Variants in GCNT1 observed in about 807,000 individuals in gnomAD.
GCNT1 encodes the protein beta-1,3-galactosyl-O-glycosyl-glycoprotein beta-1,6-N-acetylglucosaminyltransferase.
GCNT1 carries 16 observed loss-of-function variants against 26.2 expected under a neutral mutation model. The ratio of observed to expected loss-of-function variants is 0.61; its 90% CI spans 0.41 to 0.93. GCNT1 has a LOEUF of 0.93. Ranked by LOEUF, GCNT1 falls within the 40% of genes least tolerant of loss-of-function variation. The pLI is 0.00. For synonymous variants in GCNT1, 183 were observed against 190.8 expected (o/e 0.96, Z 0.34); for missense variants, 477 against 526.7 (o/e 0.91, Z 0.92).
In GCNT1 at chr9:76,504,488, A is replaced by G; in HGVS notation, c.*820A>G. 1 of 325,086 alleles carries G rather than the reference A, an allele frequency of 3.1e-6. No individual in the cohort carries two copies. Among genetic ancestry groups the G allele is most frequent in the Non-Finnish European group, 5.9e-6 (1 of 170,624 alleles). The allele number at this position is 325,086 out of a possible 1,614,324, so 20.1% of individuals were successfully genotyped here. A position where few individuals can be genotyped will look rare whatever the true frequency, so the allele number is the denominator to read the frequency against. ...CAGACTGCTATCAAGCTGTGTAAAA[A>G]TTTACTTTCACTGGACCCTAAATTA... On this transcript the variant is annotated 3_prime_UTR_variant, in exon 4 of 4. Coordinates refer to ENST00000376730, the MANE Select transcript of GCNT1 (RefSeq NM_001490.5).
chr9:76,461,890 A>G (rs1013857055), intron 2 of GCNT1, among the ~76,000 whole-genome samples: 2 of 152,242 alleles, frequency 1.3e-5, no homozygotes, highest in Non-Finnish European at 2.9e-5. Flanking sequence ...CTCCGTCTCA[A>G]AACAAAAATC....
intron 1 of GCNT1, among the ~76,000 whole-genome samples, chr9:76,428,291 T>TAAAAAAAAAAAAAA (rs1564220598): frequency 3.9e-5 from 3 of 77,080 alleles, no homozygotes; most frequent in Non-Finnish European, 6.0e-5. Context: ...AAAAAAAAAC[T>TAAAAAAAAAAAAAA]TAAAAAAAAA....
At chr9:76,412,552 G>T in the GCNT1 span, among the ~76,000 whole-genome samples, 1 of 152,140 alleles carries the variant, frequency 6.6e-6, no homozygotes, top group Non-Finnish European at 1.5e-5. Context: ...CTAGTTGGGA[G>T]TTTTTTTCTC....
intron 2 of GCNT1, among the ~76,000 whole-genome samples, chr9:76,477,885 G>A (rs554505908): frequency 6.6e-6 from 1 of 152,330 alleles, no homozygotes; most frequent in East Asian, 1.9e-4. Flanking sequence ...CTAGTGAGAG[G>A]TGAAGCCAGC....
At chr9:76,418,978 C>A (rs901356549), upstream of GCNT1, among the ~76,000 whole-genome samples, 2 of 152,126 alleles carry the variant, frequency 1.3e-5, no homozygotes, top group African/African-American at 4.8e-5. Flanking sequence ...GAGCCTCATC[C>A]TGTGCCTTGG....
chr9:76,455,972 G>A (rs75257925), upstream of GCNT1, among the ~76,000 whole-genome samples: 906 of 152,296 alleles, frequency 5.9e-3, 1 homozygote, highest in Non-Finnish European at 0.011. Context: ...TATTGCTATT[G>A]TATTAATCAT....
chr9:76,482,485 G>A (rs1003761111), intron 2 of GCNT1, among the ~76,000 whole-genome samples: 11 of 151,598 alleles, frequency 7.3e-5, no homozygotes, highest in Admixed American at 2.0e-4. Flanking sequence ...TTAGCCGGGC[G>A]TGGTGGCAGG....
chr9:76,401,725 T>C, the GCNT1 span, among the ~76,000 whole-genome samples: 1 of 152,134 alleles, frequency 6.6e-6, no homozygotes, highest in Non-Finnish European at 1.5e-5. Flanking sequence ...CTAGCTTATA[T>C]AAACTTCAAT....
chr9:76,407,457 A>G, the GCNT1 span, among the ~76,000 whole-genome samples: 4 of 152,102 alleles, frequency 2.6e-5, no homozygotes, highest in Middle Eastern at 3.4e-3. Flanking sequence ...GTTCTGTTCT[A>G]TTGATCTATT....
chr9:76,482,480 C>T (rs1214559981), intron 2 of GCNT1, among the ~76,000 whole-genome samples: 9 of 151,422 alleles, frequency 5.9e-5, no homozygotes, highest in African/African-American at 1.9e-4. Context: ...AAAAATTAGC[C>T]GGGCGTGGTG....
chr9:76,474,448 C>A (rs902053201), intron 2 of GCNT1, among the ~76,000 whole-genome samples: 1 of 152,052 alleles, frequency 6.6e-6, no homozygotes, highest in African/African-American at 2.4e-5. Flanking sequence ...ATTCATAGTT[C>A]ATATTTATAA....
At chr9:76,488,488 G>C (rs1824641605) in intron 2 of GCNT1, among the ~76,000 whole-genome samples, 1 of 151,986 alleles carries the variant, frequency 6.6e-6, no homozygotes, top group Non-Finnish European at 1.5e-5. Context: ...CTTTTATTGA[G>C]TTTCTCTATT....
At chr9:76,453,262 G>C (rs947036563) in intron 1 of GCNT1, among the ~76,000 whole-genome samples, 1 of 152,222 alleles carries the variant, frequency 6.6e-6, no homozygotes, top group Non-Finnish European at 1.5e-5. Flanking sequence ...AGGAGCTGGA[G>C]TGGGTAGGAA....
intron 2 of GCNT1, among the ~76,000 whole-genome samples, chr9:76,469,174 T>G (rs1421560361): frequency 6.6e-6 from 1 of 152,164 alleles, no homozygotes; most frequent in Non-Finnish European, 1.5e-5. Context: ...AGTAATAAGT[T>G]TTATTGCATC....
intron 1 of GCNT1, among the ~76,000 whole-genome samples, chr9:76,436,025 G>A (rs556014859): frequency 2.5e-4 from 36 of 142,268 alleles, no homozygotes; most frequent in Non-Finnish European, 4.7e-4. Flanking sequence ...GCACGATCTC[G>A]GCTCACTACA....
chr9:76,454,386 G>GAAAAAAAAAAA (rs71372084), upstream of GCNT1, among the ~76,000 whole-genome samples: 4 of 39,610 alleles, frequency 1.0e-4, no homozygotes, highest in Non-Finnish European at 9.9e-5. Context: ...TCTCAGAAAA[G>GAAAAAAAAAAA]AAAAAAAAAA....
intron 2 of GCNT1, among the ~76,000 whole-genome samples, chr9:76,464,037 TG>T (rs1487784191): frequency 4.5e-5 from 6 of 133,044 alleles, no homozygotes; most frequent in East Asian, 2.0e-4. Flanking sequence ...TCTCTTTTTT[TG>T]TTTTTTTTTT....
Position 76,448,506 on chromosome 9 carries a change from G to A in GCNT1, c.-290+6191G>A, listed in dbSNP as rs558171756. 2.2e-4 allele frequency among the ~76,000 whole-genome samples: 34 copies of A among 152,190 alleles called. 1 individual carries two copies. Among genetic ancestry groups the A allele is most frequent in the African/African-American group, 8.2e-4 (34 of 41,536 alleles). ...TTGAGGCATGGTTTAATAAAATATA[G>A]CTGTTTAGGTGTATAGTTCCATGAC... On this transcript the variant is annotated intron_variant, in intron 1 of 2. Transcript: ENST00000442371.
chr9:76,467,739 C>A (rs1587429744), intron 2 of GCNT1, among the ~76,000 whole-genome samples: 1 of 151,826 alleles, frequency 6.6e-6, no homozygotes, highest in East Asian at 1.9e-4. Flanking sequence ...AGGCTGAGAC[C>A]AATTGTGTAG....
Sources: allele counts gnomAD v4.1 joint callset (sites outside exome capture counted in the v4.1 genomes callset), GRCh38; gene constraint gnomAD v4.1.1; transcripts MANE v1.5; gene names NCBI Gene and HGNC (gene_info 2026-07-23, HGNC 2026-07-21).